The following HMCN2 variants were observed in gnomAD, a reference collection of about 807,000 sequenced individuals.
HMCN2 encodes hemicentin 2.
A neutral mutation model predicts 377.5 loss-of-function variants in HMCN2; 325 were observed. The observed-to-expected ratio is 0.86, with a 90% CI of 0.79 to 0.94. The LOEUF (loss-of-function observed/expected upper bound fraction) is 0.94, where lower values mean the gene tolerates loss of function less well. Among genes scored for constraint, HMCN2 ranks in the 40% least tolerant of loss-of-function variants. HMCN2 has a pLI of 0.00. For missense variants in HMCN2, 4,543 were observed against 4,725.3 expected (o/e 0.96, Z 1.13); for synonymous variants, 2,007 against 2,046.8 (o/e 0.98, Z 0.53).
intron 1 of HMCN2, among the ~76,000 whole-genome samples, chr9:130,275,666 T>G (rs1184057532): frequency 6.6e-6 from 1 of 152,178 alleles, no homozygotes; most frequent in Non-Finnish European, 1.5e-5. Context: ...GCCAGACTGG[T>G]CACGAACTCC....
In HMCN2 at chr9:130,341,094, C is replaced by G. The variant is rs1189151874; in HGVS notation, c.3488-17C>G. The G allele has an allele frequency of 1.3e-5, 2 of 152,472 alleles. No homozygotes were observed. Among genetic ancestry groups the G allele is most frequent in the Non-Finnish European group, 2.9e-5 (2 of 68,248 alleles). 9.4% of individuals were successfully genotyped at this position (152,472 alleles called of 1,614,324 possible). ...CCTGGGTCCCCCAACCTTGATACCC[C>G]TCCTGTGGCCCCTCAGTCCCCCCTC... On this transcript the variant is annotated splice_polypyrimidine_tract_variant and intron_variant, in intron 23 of 97. Transcript: ENST00000683500.
chr9:130,282,576 C>T (rs1554926108), intron 1 of HMCN2, among the ~76,000 whole-genome samples: 2 of 152,220 alleles, frequency 1.3e-5, no homozygotes, highest in African/African-American at 2.4e-5. Context: ...TGGGACGAGA[C>T]GGATAAACAC....
rs7864096 is a variant in HMCN2 at position 130,376,549 on chromosome 9, C to T, written c.7952C>T (p.Ala2651Val). Residue 2651 changes from alanine (A) to valine (V), a missense_variant, in exon 52 of 98, where the codon GCG becomes GTG. By Grantham distance (64) the Ala-to-Val change is moderately conservative (BLOSUM62 0). Around this residue, in one of 5 missense-constraint regions of HMCN2, gnomAD observed 736 missense variants for 773.2 expected, o/e 0.95. Transcript: ENST00000683500. ...TCCATCTCCAAAGACGACCCCTTGG[C>T]GGAGGTCGGCGTGAAGGAGGTGAAG... ...PPSISKDDPL[A>V]EVGVKEVKTK... 4.1e-6 allele frequency: 4 copies of T among 985,868 alleles called. No individual in the cohort carries two copies. Among genetic ancestry groups the T allele is most frequent in the Non-Finnish European group, 4.8e-6 (4 of 830,056 alleles). The allele number at this position is 985,868 out of a possible 1,614,324, so 61.1% of individuals were successfully genotyped here. A position where few individuals can be genotyped will look rare whatever the true frequency, so the allele number is the denominator to read the frequency against.
At chr9:130,397,410 C>A in intron 73 of HMCN2, 118 bp from the exon 74 acceptor site, 1 of 1,017,350 alleles carries the variant, frequency 9.8e-7, no homozygotes, top group Non-Finnish European at 1.3e-6. Flanking sequence ...CAGAGCCAAA[C>A]CATATCAGCA....
chr9:130,431,613 C>A (rs973925323), intron 96 of HMCN2, 127 bp downstream of exon 96: 1 of 1,371,344 alleles, frequency 7.3e-7, no homozygotes, highest in Non-Finnish European at 9.8e-7. Flanking sequence ...TGAGGTGGGG[C>A]GGGGAGGCAG....
At chr9:130,299,834 TCCATCCACCCACCCATTCACTCAC>T (rs782594503) in intron 8 of HMCN2, among the ~76,000 whole-genome samples, 3,975 of 132,946 alleles carry the variant, frequency 0.03, 77 homozygotes, top group Non-Finnish European at 0.046. Context: ...CACCTATTCA[TCCATCCACCCACCCATTCACTCAC>T]CCATCCACCC....
rs767953025 is a variant in HMCN2, at chr9:130,429,545, C to G, written c.14198-12C>G. 5 of 1,550,260 alleles carry G rather than the reference C, an allele frequency of 3.2e-6. No homozygotes were observed. The highest frequency in any genetic ancestry group is 3.9e-5 in the Admixed American group (2 of 50,958). ...AGACCTCCCCACCACCGACCATGCC[C>G]CTGCCTCCCAGATGTGGACGAATGC... is the stretch of plus-strand genomic sequence containing the variant. On this transcript the variant is annotated splice_polypyrimidine_tract_variant and intron_variant, in intron 93 of 97. Coordinates refer to ENST00000683500, the MANE Select transcript of HMCN2 (RefSeq NM_001291815.2).
chr9:130,272,667 C>A (rs994198885), intron 1 of HMCN2, among the ~76,000 whole-genome samples: 9 of 152,308 alleles, frequency 5.9e-5, no homozygotes, highest in South Asian at 2.1e-4. Flanking sequence ...TCCCACTTCA[C>A]CCCCAGAGTA....
At chr9:130,288,943 C>G (rs1835572448) in intron 4 of HMCN2, among the ~76,000 whole-genome samples, 1 of 152,186 alleles carries the variant, frequency 6.6e-6, no homozygotes, top group Non-Finnish European at 1.5e-5. Flanking sequence ...GAACCTGCCC[C>G]AAAGGTGTGC....
rs143728678 is a variant in HMCN2, at chr9:130,304,672, C to T, written c.1544-58C>T. 5.0e-5 allele frequency: 21 copies of T among 417,684 alleles called. No individual in the cohort carries two copies. Among genetic ancestry groups the T allele is most frequent in the East Asian group, 2.9e-4 (4 of 13,832 alleles). 25.9% of individuals were successfully genotyped at this position (417,684 alleles called of 1,614,324 possible). ...GTTCTGGGCAGCACCAGGGCTTGCA[C>T]GATGACCCCCTCCCTTGCCTCAGCT... On this transcript the variant is annotated intron_variant, in intron 10 of 97. Transcript: ENST00000683500. The surrounding 1 kb of genome is among the most constrained non-coding windows in gnomAD (Gnocchi z 4.3).
chr9:130,321,027 C>T lies in HMCN2; in HGVS notation c.2775+124C>T, dbSNP rs896470942. On this transcript the variant is annotated intron_variant, in intron 18 of 97. Coordinates refer to ENST00000683500, the MANE Select transcript of HMCN2 (RefSeq NM_001291815.2). ...CCTGGGAGTGTCCTCTTCCTTCCAC[C>T]CTCTTTTTGGCCCCATTTCAGAACC... is the stretch of plus-strand genomic sequence containing the variant. 1,421 of 152,360 alleles carry T rather than the reference C, an allele frequency of 9.3e-3. 18 individuals carry two copies. Among genetic ancestry groups the T allele is most frequent in the Non-Finnish European group, 0.017 (1,157 of 68,092 alleles). 9.4% of individuals were successfully genotyped at this position (152,360 alleles called of 1,614,324 possible). A position where few individuals can be genotyped will look rare whatever the true frequency, so the allele number is the denominator to read the frequency against.
intron 4 of HMCN2, among the ~76,000 whole-genome samples, chr9:130,293,279 G>GTTGTTTTTTTTTTTTTTT (rs1835901930): frequency 1.8e-5 from 1 of 57,126 alleles, no homozygotes; most frequent in Non-Finnish European, 2.7e-5. Context: ...ACTCACTAAA[G>GTTGTTTTTTTTTTTTTTT]TTTTTTTTTT....
chr9:130,316,353 T>C (rs1837560497), intron 15 of HMCN2, among the ~76,000 whole-genome samples: 1 of 113,914 alleles, frequency 8.8e-6, no homozygotes, highest in Non-Finnish European at 1.8e-5. Context: ...AGGTCTGGGC[T>C]GGAGAAAGAT....
Position 130,422,722 on chromosome 9 carries a change from C to A in HMCN2, c.13377C>A (p.Asn4459Lys). The change falls in exon 87 of 98, where the codon AAC (asparagine) becomes AAA (lysine). Residue 4459 changes from asparagine to lysine, a missense_variant. Asn to Lys is a moderately conservative substitution (Grantham distance 94, BLOSUM62 0). Around this residue, in one of 5 missense-constraint regions of HMCN2, gnomAD observed 1,155 missense variants for 1,157.7 expected, o/e 1.00. Transcript: ENST00000683500. The surrounding 1 kb of genome is among the most constrained non-coding windows in gnomAD (Gnocchi z 4.2). ...IHSSIRHVPA[N>K]VGPLMRVLVV... ...GCAGCATCCGCCATGTCCCAGCAAA[C>A]GTGGGTGAGTGGAAGGCAGAGCATC... The A allele has an allele frequency of 7.8e-7, 1 of 1,279,876 alleles. No individual in the cohort carries two copies. The allele number at this position is 1,279,876 out of a possible 1,614,324, so 79.3% of individuals were successfully genotyped here. A position where few individuals can be genotyped will look rare whatever the true frequency, so the allele number is the denominator to read the frequency against.
At chr9:130,340,901 C>T (rs940531476) in intron 23 of HMCN2, among the ~76,000 whole-genome samples, 2 of 152,222 alleles carry the variant, frequency 1.3e-5, no homozygotes, top group Non-Finnish European at 2.9e-5. Context: ...TTGAGTCTTT[C>T]AGGAGTGCGT....
chr9:130,342,145 G>A (rs1839093396), intron 24 of HMCN2, among the ~76,000 whole-genome samples: 1 of 152,186 alleles, frequency 6.6e-6, no homozygotes, highest in Admixed American at 6.5e-5. Context: ...AGCATGTGGG[G>A]CTCGGCCCTG....
intron 1 of HMCN2, among the ~76,000 whole-genome samples, chr9:130,267,031 G>A (rs1444077999): frequency 3.3e-5 from 5 of 151,774 alleles, no homozygotes; most frequent in Non-Finnish European, 2.9e-5. Flanking sequence ...CTGCAGCCTC[G>A]AACTCCTGGG....
At chr9:130,430,214 C>T in intron 94 of HMCN2, 70 bp from the exon 95 acceptor site, 2 of 1,273,744 alleles carry the variant, frequency 1.6e-6, no homozygotes, top group Non-Finnish European at 2.1e-6. Flanking sequence ...AAGGCAGGGC[C>T]AGGCAATGGC....
intron 24 of HMCN2, among the ~76,000 whole-genome samples, chr9:130,341,807 A>G (rs912076987): frequency 7.9e-5 from 12 of 152,022 alleles, no homozygotes; most frequent in African/African-American, 2.9e-4. Context: ...GGTCCATGTG[A>G]GAGAGTGTGT....
Sources: allele counts gnomAD v4.1 joint callset (sites outside exome capture counted in the v4.1 genomes callset), GRCh38; gene constraint gnomAD v4.1.1; regional missense constraint gnomAD v4.1.1; non-coding constraint Gnocchi (gnomAD v3.1); transcripts MANE v1.5; gene names NCBI Gene and HGNC (gene_info 2026-07-23, HGNC 2026-07-21).